The following PDZRN4 variants were observed in gnomAD, a reference collection of about 807,000 sequenced individuals.
The protein encoded by PDZRN4 is PDZ domain containing ring finger 4.
In PDZRN4, 70 loss-of-function variants were observed where a neutral mutation model predicts 99.0. That is an observed-to-expected ratio of 0.71 (90% CI 0.58 to 0.86). The LOEUF is 0.86. Ranked by LOEUF, PDZRN4 falls within the 40% of genes least tolerant of loss-of-function variation. The pLI is 0.00. For synonymous variants in PDZRN4, 551 were observed against 501.6 expected (o/e 1.10, Z -1.32); for missense variants, 1,474 against 1,331.2 (o/e 1.11, Z -1.67).
intron 5 of PDZRN4, among the ~76,000 whole-genome samples, chr12:41,532,699 T>C (rs1229271502): frequency 6.6e-6 from 1 of 152,194 alleles, no homozygotes; most frequent in Admixed American, 6.5e-5. Flanking sequence ...TCTTCCATTT[T>C]TGGATTGTAT....
At chr12:41,388,785 G>GCT (rs1342871656) in intron 3 of PDZRN4, among the ~76,000 whole-genome samples, 1 of 152,162 alleles carries the variant, frequency 6.6e-6, no homozygotes, top group African/African-American at 2.4e-5. Context: ...AAAGGATGGA[G>GCT]CTTCCATTCA....
chr12:41,538,814 C>A (rs565724301), intron 5 of PDZRN4, among the ~76,000 whole-genome samples: 5 of 152,034 alleles, frequency 3.3e-5, no homozygotes, highest in Non-Finnish European at 7.4e-5. Context: ...TACAAACATA[C>A]AATTATACAG....
At chr12:41,404,299 T>C (rs1483421872) in intron 3 of PDZRN4, among the ~76,000 whole-genome samples, 2 of 152,218 alleles carry the variant, frequency 1.3e-5, no homozygotes, top group Non-Finnish European at 1.5e-5. Context: ...TGAGAGAGTG[T>C]GAAAGAAATT....
At chr12:41,248,575 C>T (rs1370363112) in intron 3 of PDZRN4, among the ~76,000 whole-genome samples, 2 of 152,168 alleles carry the variant, frequency 1.3e-5, no homozygotes, top group South Asian at 2.1e-4. Context: ...TTTCGAATGG[C>T]GGTAATTAAT....
At chr12:41,202,359 A>T (rs139375748) in intron 3 of PDZRN4, among the ~76,000 whole-genome samples, 1 of 152,114 alleles carries the variant, frequency 6.6e-6, no homozygotes, top group Non-Finnish European at 1.5e-5. Context: ...ATGCTGTTGT[A>T]TTCCTAGCAG....
chr12:41,313,920 T>G (rs1377926283), intron 3 of PDZRN4, among the ~76,000 whole-genome samples: 1 of 152,226 alleles, frequency 6.6e-6, no homozygotes, highest in African/African-American at 2.4e-5. Context: ...GTGTTTTGTG[T>G]GTATCTGTGT....
intron 3 of PDZRN4, among the ~76,000 whole-genome samples, chr12:41,225,405 G>A (rs1950986429): frequency 6.7e-6 from 1 of 149,516 alleles, no homozygotes; most frequent in African/African-American, 2.5e-5. Flanking sequence ...ATTCATATTG[G>A]GAAGTATAAT....
At chr12:41,501,259 A>T (rs770274615) in intron 3 of PDZRN4, among the ~76,000 whole-genome samples, 13 of 152,154 alleles carry the variant, frequency 8.5e-5, no homozygotes, top group Non-Finnish European at 1.2e-4. Flanking sequence ...TGACTCTAGA[A>T]ATGGCTTCTC....
chr12:41,406,165 G>T (rs527982327), intron 3 of PDZRN4, among the ~76,000 whole-genome samples: 61 of 151,530 alleles, frequency 4.0e-4, no homozygotes, highest in African/African-American at 1.4e-3. Flanking sequence ...GCTTTTTTTT[G>T]AGTGATGATT....
In PDZRN4 at chr12:41,205,368, C is replaced by A. The variant is rs1195241846; in HGVS notation, c.843+11180C>A. ...TCCTTCTGTCTATAATTCCTGAAAA[C>A]CTTCCCTGCGCATGGGATAAAATGT... On this transcript the variant is annotated intron_variant, in intron 3 of 9. Coordinates refer to ENST00000402685, the MANE Select transcript of PDZRN4 (RefSeq NM_001164595.2). Among the ~76,000 whole-genome samples, 9 of 151,858 alleles carry A rather than the reference C, an allele frequency of 5.9e-5. No homozygotes were observed. The East Asian group carries it at 1.2e-3, about 20-fold the overall frequency.
intron 9 of PDZRN4, 93 bp downstream of exon 9, chr12:41,567,992 G>A: frequency 1.1e-5 from 8 of 720,074 alleles, no homozygotes; most frequent in East Asian, 2.7e-5. Context: ...AAAATCAAAG[G>A]GTTTAATCCA....
chr12:41,356,728 G>A (rs10785247), intron 3 of PDZRN4, among the ~76,000 whole-genome samples: 57,200 of 151,818 alleles, frequency 0.38, 10,853 homozygotes, highest in Non-Finnish European at 0.39. Flanking sequence ...TAATTTTACT[G>A]TGACCTTTTA....
intron 3 of PDZRN4, among the ~76,000 whole-genome samples, chr12:41,393,373 C>A (rs2121124982): frequency 6.6e-6 from 1 of 152,098 alleles, no homozygotes; most frequent in Non-Finnish European, 1.5e-5. Flanking sequence ...TGCTGTGCAA[C>A]CCAATTAGTT....
At chr12:41,262,080 T>TC (rs2120833528) in intron 3 of PDZRN4, among the ~76,000 whole-genome samples, 1 of 152,218 alleles carries the variant, frequency 6.6e-6, no homozygotes, top group East Asian at 1.9e-4. Flanking sequence ...TTCCATTGCC[T>TC]CCCCCGTGAT....
intron 3 of PDZRN4, among the ~76,000 whole-genome samples, chr12:41,267,564 T>A (rs990284143): frequency 1.3e-4 from 19 of 151,882 alleles, no homozygotes; most frequent in Admixed American, 8.5e-4. Context: ...GTGCAGTGGA[T>A]CATGCCTGTA....
chr12:41,319,166 A>T (rs1951658064), intron 3 of PDZRN4, among the ~76,000 whole-genome samples: 1 of 152,074 alleles, frequency 6.6e-6, no homozygotes, highest in Non-Finnish European at 1.5e-5. Context: ...AACAACAGAG[A>T]CCTTAACCTC....
At chr12:41,488,673 G>C (rs901114527) in intron 3 of PDZRN4, among the ~76,000 whole-genome samples, 8 of 152,022 alleles carry the variant, frequency 5.3e-5, no homozygotes, top group African/African-American at 1.9e-4. Context: ...TAACTTCTCC[G>C]GGCTGGAGGG....
chr12:41,487,293 A>G (rs1265461186), intron 3 of PDZRN4, among the ~76,000 whole-genome samples: 1 of 152,018 alleles, frequency 6.6e-6, no homozygotes, highest in African/African-American at 2.4e-5. Context: ...AAGGGAAAAA[A>G]GGAGGAAGAA....
chr12:41,491,676 A>G (rs1395330189), intron 3 of PDZRN4, among the ~76,000 whole-genome samples: 1 of 152,158 alleles, frequency 6.6e-6, no homozygotes, highest in East Asian at 1.9e-4. Context: ...CAATTCTAAA[A>G]AAGACAAGAC....
Sources: gnomAD v4.1 joint callset for allele counts (sites outside exome capture counted in the v4.1 genomes callset) on GRCh38, gnomAD v4.1.1 for gene constraint, MANE v1.5 for transcripts, NCBI Gene and HGNC (gene_info 2026-07-23, HGNC 2026-07-21) for gene names.